Variants in KMT2C observed in about 807,000 individuals in gnomAD.
KMT2C encodes the protein lysine methyltransferase 2C, also known as histone-lysine N-methyltransferase 2C.
Under a neutral mutation model 507.9 loss-of-function variants are expected in KMT2C, and 88 were observed. The ratio of observed to expected loss-of-function variants is 0.17; its 90% confidence interval spans 0.15 to 0.21. The LOEUF (loss-of-function observed/expected upper bound fraction) is 0.21. KMT2C is among the 10% of genes least tolerant of loss of function. The pLI, the probability that KMT2C is intolerant of heterozygous loss-of-function variation, is 1.00. For synonymous variants in KMT2C, 2,049 were observed against 2,080.8 expected (o/e 0.98, Z 0.42); for missense variants, 4,954 against 5,957.8 (o/e 0.83, Z 5.55).
At chr7:152,270,038 C>T (rs1041778340) in intron 7 of KMT2C, among the ~76,000 whole-genome samples, 2 of 152,210 alleles carry the variant, frequency 1.3e-5, no homozygotes, top group African/African-American at 4.8e-5. Flanking sequence ...AAATAGCTGT[C>T]ATACAGTGTG....
chr7:152,344,543 T>A (rs189363746), intron 2 of KMT2C, among the ~76,000 whole-genome samples: 16 of 152,080 alleles, frequency 1.1e-4, no homozygotes, highest in African/African-American at 3.4e-4. Flanking sequence ...ACAGTTAAAG[T>A]GGGACACTAC....
intron 23 of KMT2C, among the ~76,000 whole-genome samples, chr7:152,213,883 T>C (rs2360934): frequency 2.3e-3 from 345 of 151,526 alleles, no homozygotes; most frequent in African/African-American, 8.1e-3. Flanking sequence ...AGCAAAAAAA[T>C]CCCAAATAAC....
intron 25 of KMT2C, among the ~76,000 whole-genome samples, chr7:152,204,127 T>C (rs1206564931): frequency 1.4e-5 from 2 of 147,058 alleles, no homozygotes; most frequent in East Asian, 2.0e-4. Flanking sequence ...TCACCACCAA[T>C]AGCAAAAAAA....
intron 31 of KMT2C, among the ~76,000 whole-genome samples, chr7:152,191,493 G>A (rs2093791658): frequency 6.6e-6 from 1 of 152,202 alleles, no homozygotes; most frequent in African/African-American, 2.4e-5. Flanking sequence ...CAGCACGGAA[G>A]TATCTTTACA....
chr7:152,252,144 G>A (rs1378519963), intron 10 of KMT2C, 54 bp from the exon 11 acceptor site: 9 of 1,325,200 alleles, frequency 6.8e-6, no homozygotes, highest in Non-Finnish European at 8.3e-6. Context: ...TTATTATCTA[G>A]GTAAAGAGAA....
At chr7:152,260,243 C>T (rs936994572) in intron 9 of KMT2C, among the ~76,000 whole-genome samples, 27 of 152,066 alleles carry the variant, frequency 1.8e-4, no homozygotes, top group African/African-American at 6.3e-4. Flanking sequence ...CAATAGTATT[C>T]CCAGAAATTA....
intron 2 of KMT2C, among the ~76,000 whole-genome samples, chr7:152,332,501 T>C (rs1194621202): frequency 6.6e-6 from 1 of 152,220 alleles, no homozygotes; most frequent in African/African-American, 2.4e-5. Context: ...TGAACTCTAC[T>C]ACCTTCCCCT....
rs775184411 is a variant in KMT2C at position 152,176,551 on chromosome 7, C to T, written c.8902G>A (p.Ala2968Thr). The stretch of plus-strand genomic sequence containing the variant: ...ACTACTGTCACATTAGAATTCATGG[C>T]ATTATCCAAAACACGGCCAGGCGGT... ...IAPPGRVLDNAMNSNVTVVSR... is the reference protein window; with the variant it reads ...IAPPGRVLDNTMNSNVTVVSR... The change falls in exon 38 of 59, where the codon GCC becomes ACC. Residue 2968 changes from alanine to threonine, a missense_variant. Physicochemically the swap from Ala to Thr is moderately conservative, Grantham distance 58. Around this residue, in one of 29 missense-constraint regions of KMT2C, gnomAD observed 1,689 missense variants for 1,654.3 expected, o/e 1.02. Coordinates refer to ENST00000262189, the MANE Select transcript of KMT2C (RefSeq NM_170606.3). The T allele has an allele frequency of 1.9e-6, 3 of 1,614,136 alleles. No individual in the cohort carries two copies. The East Asian group carries it at 6.7e-5, about 36-fold the overall frequency.
intron 37 of KMT2C, 56 bp downstream of exon 37, chr7:152,179,778 C>T (rs971377325): frequency 2.0e-6 from 3 of 1,521,034 alleles, no homozygotes; most frequent in Non-Finnish European, 2.7e-6. Flanking sequence ...CCACACCCAG[C>T]TCTGTTTCCC....
At chr7:152,233,212 T>C (rs2095175056) in intron 16 of KMT2C, among the ~76,000 whole-genome samples, 1 of 152,216 alleles carries the variant, frequency 6.6e-6, no homozygotes, top group South Asian at 2.1e-4. Context: ...AGACCCACTG[T>C]TTTTATTTTA....
intron 7 of KMT2C, among the ~76,000 whole-genome samples, chr7:152,267,601 C>G (rs1310366081): frequency 6.6e-6 from 1 of 152,168 alleles, no homozygotes; most frequent in East Asian, 1.9e-4. Flanking sequence ...TACCTTTGTA[C>G]CTACCTAATA....
chr7:152,182,654 T>TG, intron 35 of KMT2C, 60 bp from the exon 36 acceptor site: 2 of 1,421,536 alleles, frequency 1.4e-6, no homozygotes, highest in Non-Finnish European at 1.9e-6. Flanking sequence ...ACTACCATCA[T>TG]GGGGGGAAAA....
At chr7:152,228,123 A>G (rs2094990771) in intron 18 of KMT2C, among the ~76,000 whole-genome samples, 1 of 152,222 alleles carries the variant, frequency 6.6e-6, no homozygotes, top group African/African-American at 2.4e-5. Context: ...TTGTATCATA[A>G]TATTACATTG....
intron 9 of KMT2C, among the ~76,000 whole-genome samples, chr7:152,255,994 C>T (rs1361087877): frequency 1.3e-5 from 2 of 152,136 alleles, no homozygotes; most frequent in African/African-American, 4.8e-5. Context: ...CATGGCAAAA[C>T]CCTATCTCTA....
intron 39 of KMT2C, among the ~76,000 whole-genome samples, chr7:152,171,842 A>C (rs2092975846): frequency 6.6e-6 from 1 of 152,216 alleles, no homozygotes; most frequent in East Asian, 1.9e-4. Flanking sequence ...CAATTTAAGA[A>C]TTTTCATACA....
chr7:152,393,498 C>G lies in KMT2C; in HGVS notation c.162-34823G>C, dbSNP rs574212618. 2.0e-4 allele frequency among the ~76,000 whole-genome samples: 31 copies of G among 152,316 alleles called. No homozygotes were observed. In the South Asian group the frequency reaches 4.8e-3, roughly 23 times the overall value. On this transcript the variant is annotated intron_variant, in intron 1 of 58. Transcript: ENST00000262189. ...CTAACCAATAGCCACTCCCCACTCA[C>G]AACCTGTTCCTTACAGAGTCCACTT... is the stretch of plus-strand genomic sequence containing the variant.
At chr7:152,311,328 T>C (rs537015599) in intron 5 of KMT2C, among the ~76,000 whole-genome samples, 2 of 152,220 alleles carry the variant, frequency 1.3e-5, no homozygotes, top group Non-Finnish European at 2.9e-5. Context: ...TCAGTCAATC[T>C]GCAGTTCAAC....
chr7:152,150,649 A>T (rs1385101395), intron 51 of KMT2C, among the ~76,000 whole-genome samples: 1 of 152,152 alleles, frequency 6.6e-6, no homozygotes, highest in Admixed American at 6.5e-5. Context: ...TAAAGATTTT[A>T]ATATTAGTGT....
intron 1 of KMT2C, chr7:152,367,366 C>T (rs909885651): frequency 5.5e-6 from 4 of 728,852 alleles, no homozygotes; most frequent in Non-Finnish European, 7.2e-6. Flanking sequence ...GGAGCACCTA[C>T]CAGGGGCACC....
Sources: gnomAD v4.1 joint callset for allele counts (sites outside exome capture counted in the v4.1 genomes callset) on GRCh38, gnomAD v4.1.1 for gene constraint, gnomAD v4.1.1 regional missense constraint, MANE v1.5 for transcripts, NCBI Gene and HGNC (gene_info 2026-07-23, HGNC 2026-07-21) for gene names.